The following NPAS3 variants were observed in gnomAD, a reference collection of about 807,000 sequenced individuals.
The protein encoded by NPAS3 is neuronal PAS domain protein 3.
A neutral mutation model predicts 73.1 loss-of-function variants in NPAS3; 14 were observed. The observed-to-expected ratio is 0.19, with a 90% CI of 0.13 to 0.30. The LOEUF (loss-of-function observed/expected upper bound fraction) is 0.30, where lower values mean the gene tolerates loss of function less well. Among genes scored for constraint, NPAS3 ranks in the 10% least tolerant of loss-of-function variants. The probability of loss-of-function intolerance (pLI) is 1.00; values close to 1 mark genes in which losing one functional copy is unlikely to be tolerated. For missense variants in NPAS3, 1,096 were observed against 1,250.0 expected (o/e 0.88, Z 1.86); for synonymous variants, 620 against 541.5 (o/e 1.14, Z -2.01).
At chr14:33,296,393 G>A (rs1027011968) in intron 3 of NPAS3, among the ~76,000 whole-genome samples, 2 of 152,152 alleles carry the variant, frequency 1.3e-5, no homozygotes. Flanking sequence ...CGCTTAAAAG[G>A]TTATAGTTTT....
chr14:33,363,299 T>G (rs1379056783), intron 3 of NPAS3, among the ~76,000 whole-genome samples: 1 of 152,128 alleles, frequency 6.6e-6, no homozygotes, highest in South Asian at 2.1e-4. Context: ...GAGACCACCG[T>G]GTGAGGTTAT....
At chr14:33,615,590 A>G (rs570064427) in intron 5 of NPAS3, among the ~76,000 whole-genome samples, 3 of 152,308 alleles carry the variant, frequency 2.0e-5, no homozygotes, top group East Asian at 3.9e-4. Flanking sequence ...GAGCAGAAAG[A>G]TTATTTCCAC....
At chr14:33,538,269 C>A (rs1212550026) in intron 4 of NPAS3, among the ~76,000 whole-genome samples, 1 of 152,166 alleles carries the variant, frequency 6.6e-6, no homozygotes, top group Non-Finnish European at 1.5e-5. Flanking sequence ...ACTGGCCACT[C>A]CCACACAATA....
chr14:33,024,168 G>GTATA (rs1299116118), intron 1 of NPAS3, among the ~76,000 whole-genome samples: 1 of 144,744 alleles, frequency 6.9e-6, no homozygotes, highest in South Asian at 2.2e-4. Context: ...GTGTGTGTGT[G>GTATA]TGTATGTATA....
chr14:33,648,568 A>C (rs1028208117), intron 5 of NPAS3, among the ~76,000 whole-genome samples: 11 of 152,226 alleles, frequency 7.2e-5, no homozygotes, highest in Non-Finnish European at 1.6e-4. Context: ...ATATAAACAT[A>C]CATTTTCTGC....
At chr14:33,272,165 CA>C (rs2041121193) in intron 3 of NPAS3, among the ~76,000 whole-genome samples, 1 of 152,146 alleles carries the variant, frequency 6.6e-6, no homozygotes, top group Non-Finnish European at 1.5e-5. Context: ...GCATCTTAGG[CA>C]AATCATGGCT....
At chr14:33,098,900 G>A (rs1322258962) in intron 2 of NPAS3, among the ~76,000 whole-genome samples, 1 of 152,202 alleles carries the variant, frequency 6.6e-6, no homozygotes, top group Non-Finnish European at 1.5e-5. Context: ...CTGAGACCAA[G>A]ACCAGTTGTG....
intron 4 of NPAS3, among the ~76,000 whole-genome samples, chr14:33,449,011 A>T (rs1261495878): frequency 6.6e-6 from 1 of 152,200 alleles, no homozygotes; most frequent in Admixed American, 6.5e-5. Flanking sequence ...GAGGAAATAA[A>T]GGAGGAGAAG....
chr14:33,010,104 T>C (rs2039138646), intron 1 of NPAS3, among the ~76,000 whole-genome samples: 1 of 152,230 alleles, frequency 6.6e-6, no homozygotes, highest in Non-Finnish European at 1.5e-5. Flanking sequence ...TAGAGTCTAG[T>C]AAATAAAATG....
chr14:33,800,174 C>T lies in NPAS3; in HGVS notation c.1867C>T (p.Pro623Ser). The T allele has an allele frequency of 1.2e-6, 2 of 1,609,348 alleles. No individual in the cohort carries two copies. Among genetic ancestry groups the T allele is most frequent in the Middle Eastern group, 1.7e-4 (1 of 6,052 alleles). The stretch of plus-strand genomic sequence containing the variant: ...CCGGCGCCTGTCCAGCGCGTCGAGC[C>T]CAGGCGGCCTGGACGCGGGCCTGGT... Residue 623 changes from proline (P) to serine (S), a missense_variant, in exon 12 of 12, where the codon CCA becomes TCA. Transcript: ENST00000356141. This position sits in a 1 kb window ranked among gnomAD's most constrained non-coding sequence, Gnocchi z 6.5.
At chr14:33,318,147 G>T (rs2140225317) in intron 3 of NPAS3, among the ~76,000 whole-genome samples, 1 of 152,140 alleles carries the variant, frequency 6.6e-6, no homozygotes, top group African/African-American at 2.4e-5. Flanking sequence ...ACGTACAAGG[G>T]AATATTATTC....
intron 2 of NPAS3, among the ~76,000 whole-genome samples, chr14:33,158,475 G>C (rs2044728462): frequency 6.6e-6 from 1 of 152,102 alleles, no homozygotes; most frequent in African/African-American, 2.4e-5. Context: ...CCAGTGGGGT[G>C]GGGCAGACAA....
intron 5 of NPAS3, chr14:33,611,216 T>A (rs1952599): frequency 0.35 from 53,623 of 151,944 alleles, 10,323 homozygotes; most frequent in East Asian, 0.67. Context: ...AAATTAAATC[T>A]TTATGAAATA....
At chr14:33,082,300 AC>A (rs2041884940) in intron 2 of NPAS3, among the ~76,000 whole-genome samples, 1 of 152,222 alleles carries the variant, frequency 6.6e-6, no homozygotes, top group Non-Finnish European at 1.5e-5. Flanking sequence ...CGCAAGGCAC[AC>A]ACGGCTGGAG....
At chr14:33,191,000 C>G (rs926315272) in intron 2 of NPAS3, among the ~76,000 whole-genome samples, 2 of 152,078 alleles carry the variant, frequency 1.3e-5, no homozygotes, top group East Asian at 3.9e-4. Flanking sequence ...TTCCATAAGT[C>G]ACATGATGTA....
chr14:33,149,483 G>A (rs1337667671), intron 2 of NPAS3, among the ~76,000 whole-genome samples: 1 of 152,114 alleles, frequency 6.6e-6, no homozygotes, highest in Non-Finnish European at 1.5e-5. Flanking sequence ...ACTTTTGATG[G>A]TACATGACTT....
chr14:33,711,788 G>A (rs929244686), intron 6 of NPAS3, among the ~76,000 whole-genome samples: 4 of 152,070 alleles, frequency 2.6e-5, no homozygotes, highest in Non-Finnish European at 2.9e-5. Context: ...AGGGTCACTC[G>A]CACAAGGCCT....
chr14:33,211,099 T>C (rs1274032637), intron 2 of NPAS3, among the ~76,000 whole-genome samples: 3 of 152,200 alleles, frequency 2.0e-5, no homozygotes, highest in Admixed American at 1.3e-4. Flanking sequence ...GTAAAGATCT[T>C]ATTTAAAAAA....
intron 6 of NPAS3, among the ~76,000 whole-genome samples, chr14:33,686,828 G>A (rs536210474): frequency 2.0e-5 from 3 of 152,156 alleles, no homozygotes; most frequent in South Asian, 2.1e-4. Flanking sequence ...AGGGATGCTC[G>A]CCACCCTTCC....
Sources: gnomAD v4.1 joint callset for allele counts (sites outside exome capture counted in the v4.1 genomes callset) on GRCh38, gnomAD v4.1.1 for gene constraint, Gnocchi (gnomAD v3.1) non-coding constraint, MANE v1.5 for transcripts, NCBI Gene and HGNC (gene_info 2026-07-23, HGNC 2026-07-21) for gene names.